ATRN: variants seen among roughly 807,000 people sequenced by gnomAD.
ATRN encodes attractin.
ATRN carries 54 observed loss-of-function variants against 178.7 expected under a neutral mutation model. The observed-to-expected ratio is 0.30, with a 90% CI of 0.24 to 0.38. ATRN has a LOEUF of 0.38. Among genes scored for constraint, ATRN ranks in the 10% least tolerant of loss-of-function variants. ATRN has a pLI of 1.00. For synonymous variants in ATRN, 636 were observed against 663.0 expected (o/e 0.96, Z 0.63); for missense variants, 1,443 against 1,815.1 (o/e 0.79, Z 3.73).
chr20:3,613,314 G>A (rs913935457), intron 24 of ATRN, among the ~76,000 whole-genome samples: 4 of 152,160 alleles, frequency 2.6e-5, no homozygotes, highest in Non-Finnish European at 2.9e-5. Context: ...CCGTGTCACC[G>A]TGTGTTCTCA....
intron 22 of ATRN, 48 bp from the exon 23 acceptor site, chr20:3,600,898 C>T: frequency 6.7e-7 from 1 of 1,497,704 alleles, no homozygotes; most frequent in South Asian, 1.2e-5. Context: ...ATTTTAAAAT[C>T]TAGAAATTGT....
At chr20:3,563,941 A>G (rs962482660) in intron 10 of ATRN, among the ~76,000 whole-genome samples, 29 of 152,236 alleles carry the variant, frequency 1.9e-4, no homozygotes, top group African/African-American at 7.0e-4. Context: ...AAACACATTC[A>G]TAATGTTATA....
At chr20:3,498,440 A>C (rs1179168776) in intron 1 of ATRN, among the ~76,000 whole-genome samples, 27 of 152,144 alleles carry the variant, frequency 1.8e-4, no homozygotes, top group Non-Finnish European at 1.5e-5. Flanking sequence ...TCAATAAAAT[A>C]CTGGCAAAGC....
At chr20:3,617,762 A>G (rs1200997394) in intron 24 of ATRN, among the ~76,000 whole-genome samples, 1 of 152,204 alleles carries the variant, frequency 6.6e-6, no homozygotes, top group East Asian at 1.9e-4. Flanking sequence ...CTACAGGAGC[A>G]TGCCTCTGCT....
chr20:3,508,621 G>A (rs772161298), intron 1 of ATRN, among the ~76,000 whole-genome samples: 5 of 152,136 alleles, frequency 3.3e-5, no homozygotes, highest in South Asian at 4.2e-4. Context: ...ATTAATCACC[G>A]GCAGCCTTAC....
intron 4 of ATRN, 137 bp downstream of exon 4, chr20:3,546,027 C>A: frequency 1.0e-6 from 1 of 991,448 alleles, no homozygotes; most frequent in Non-Finnish European, 1.5e-6. Context: ...ATTTAAAATT[C>A]TTCCATAAAT....
At chr20:3,618,396 C>A (rs2146310005) in intron 24 of ATRN, among the ~76,000 whole-genome samples, 1 of 152,286 alleles carries the variant, frequency 6.6e-6, no homozygotes, top group Non-Finnish European at 1.5e-5. Context: ...GTGGGGGTCC[C>A]TGGAGAGAAG....
intron 11 of ATRN, among the ~76,000 whole-genome samples, chr20:3,567,535 C>G (rs1277488446): frequency 6.6e-6 from 1 of 152,098 alleles, no homozygotes. Flanking sequence ...ATGTAAGTAT[C>G]TGTGTGTGTG....
intron 15 of ATRN, among the ~76,000 whole-genome samples, chr20:3,581,130 T>C (rs2146256857): frequency 6.6e-6 from 1 of 152,236 alleles, no homozygotes; most frequent in Non-Finnish European, 1.5e-5. Flanking sequence ...CACATACTTG[T>C]AGTTCCGGCT....
intron 25 of ATRN, among the ~76,000 whole-genome samples, chr20:3,631,095 C>A (rs943333447): frequency 1.3e-5 from 2 of 151,484 alleles, no homozygotes; most frequent in South Asian, 4.2e-4. Context: ...GGACTGCAGG[C>A]ATGCACCATC....
intron 1 of ATRN, chr20:3,490,816 A>G (rs1331137496): frequency 3.5e-5 from 28 of 805,486 alleles, no homozygotes; most frequent in Non-Finnish European, 6.3e-5. Context: ...TCCTCCTTTC[A>G]TAATCCATCT....
intron 26 of ATRN, among the ~76,000 whole-genome samples, chr20:3,636,894 A>T (rs1273653491): frequency 2.0e-5 from 3 of 152,234 alleles, no homozygotes; most frequent in Non-Finnish European, 4.4e-5. Flanking sequence ...AAGTGTTGTT[A>T]CTATTGGAAA....
At chr20:3,489,070 C>T (rs1436082239) in intron 1 of ATRN, among the ~76,000 whole-genome samples, 3 of 152,118 alleles carry the variant, frequency 2.0e-5, no homozygotes, top group Non-Finnish European at 4.4e-5. Context: ...AAGCAATTCT[C>T]CTGCCTCAGC....
chr20:3,472,817 A>C (rs1360251500), intron 1 of ATRN, among the ~76,000 whole-genome samples: 1 of 152,196 alleles, frequency 6.6e-6, no homozygotes, highest in Non-Finnish European at 1.5e-5. Context: ...GTGGAGCTGG[A>C]AAAAAATTAC....
At chr20:3,563,450 G>T (rs1037677786) in intron 10 of ATRN, 87 bp downstream of exon 10, 5 of 1,367,702 alleles carry the variant, frequency 3.7e-6, no homozygotes, top group Non-Finnish European at 2.0e-6. Context: ...AATATTGCCA[G>T]TTCAAAATGA....
intron 1 of ATRN, among the ~76,000 whole-genome samples, chr20:3,483,044 C>T (rs988634805): frequency 5.9e-5 from 9 of 152,148 alleles, no homozygotes; most frequent in South Asian, 2.1e-4. Flanking sequence ...TCCTCTTCAC[C>T]GTACCCTTTC....
rs561102791 is a variant in ATRN at position 3,567,033 on chromosome 20, C to T, written c.1871+1601C>T. Among the ~76,000 whole-genome samples, 8 of 151,542 alleles carry T rather than the reference C, an allele frequency of 5.3e-5. No homozygotes were observed. In the East Asian group the frequency reaches 7.8e-4, roughly 15 times the overall value. On this transcript the variant is annotated intron_variant, in intron 11 of 28. Coordinates refer to ENST00000262919, the MANE Select transcript of ATRN (RefSeq NM_139321.3). ...GCTATCTTATATAAGGTAATTATTT[C>T]GTTTTTTAGCAATGTGTATGGTTTT...
rs773681819 is a variant in ATRN at position 3,584,083 on chromosome 20, C to A, written c.2950C>A (p.Pro984Thr). The change falls in exon 17 of 29, where the codon CCT (proline) becomes ACT (threonine). Residue 984 changes from proline to threonine, a missense_variant and splice_region_variant. By Grantham distance (38) the Pro-to-Thr change is conservative. Coordinates refer to ENST00000262919, the MANE Select transcript of ATRN (RefSeq NM_139321.3). The stretch of plus-strand genomic sequence containing the variant: ...ATGGTATACGATGAGCACCTGCCCC[C>A]GTAAGTGAAAAAGGGAGCCCTAGGC... ...MEWYTMSTCP[P>T]ENCSGYCTCS... 3 of 1,612,682 alleles carry A rather than the reference C, an allele frequency of 1.9e-6. No individual in the cohort carries two copies. In the South Asian group the frequency reaches 3.3e-5, roughly 18 times the overall value.
intron 4 of ATRN, 127 bp downstream of exon 4, chr20:3,546,017 A>G: frequency 9.5e-7 from 1 of 1,055,232 alleles, no homozygotes; most frequent in Non-Finnish European, 1.4e-6. Flanking sequence ...GGATTTTCTC[A>G]TTTAAAATTC....
Sources: gnomAD v4.1 joint callset for allele counts (sites outside exome capture counted in the v4.1 genomes callset) on GRCh38, gnomAD v4.1.1 for gene constraint, MANE v1.5 for transcripts, NCBI Gene and HGNC (gene_info 2026-07-23, HGNC 2026-07-21) for gene names.